ZDHHC3: variants seen among roughly 807,000 people sequenced by gnomAD.
ZDHHC3 encodes the protein palmitoyltransferase ZDHHC3.
In ZDHHC3, 9 loss-of-function variants were observed where a neutral mutation model predicts 30.6. The observed-to-expected ratio is 0.29, with a 90% CI of 0.18 to 0.51. The LOEUF is 0.51. Among genes scored for constraint, ZDHHC3 ranks in the 20% least tolerant of loss-of-function variants. ZDHHC3 has a pLI of 0.97. For missense variants in ZDHHC3, 246 were observed against 384.2 expected (o/e 0.64, Z 3.01); for synonymous variants, 136 against 140.2 (o/e 0.97, Z 0.21).
Position 44,923,356 on chromosome 3 carries a change from G to A in ZDHHC3, c.*3333C>T, listed in dbSNP as rs1056932348. ...CTCCCAAAGTGCTGGGATTACAGGC[G>A]TGAGGGATGTCCACAGTGAGAAGTG... On this transcript the variant is annotated 3_prime_UTR_variant, in exon 7 of 7. Transcript: ENST00000424952. 31 of 985,282 alleles carry A rather than the reference G, an allele frequency of 3.1e-5. No homozygotes were observed. Among genetic ancestry groups the A allele is most frequent in the East Asian group, 1.1e-4 (1 of 8,804 alleles). 61.0% of individuals were successfully genotyped at this position (985,282 alleles called of 1,614,324 possible). A position where few individuals can be genotyped will look rare whatever the true frequency, so the allele number is the denominator to read the frequency against.
chr3:44,954,595 T>C (rs2125895769), intron 2 of ZDHHC3, among the ~76,000 whole-genome samples: 1 of 152,314 alleles, frequency 6.6e-6, no homozygotes. Flanking sequence ...TGACTGTATA[T>C]TCCTCCTTTT....
chr3:44,962,395 C>G (rs979070860), intron 1 of ZDHHC3, among the ~76,000 whole-genome samples: 1 of 151,956 alleles, frequency 6.6e-6, no homozygotes, highest in African/African-American at 2.4e-5. Flanking sequence ...AGCCCTTCCA[C>G]GTAAGTAACT....
At position 44,916,842 on chromosome 3, in the gene ZDHHC3, G is replaced by GTT; in HGVS notation, c.*9846_*9847insAA. ...ATCCTGGTGGGGTGTGTGTGTGTGT[G>GTT]TGTGTGTTTGTCTATCTTCCTGATT... On this transcript the variant is annotated 3_prime_UTR_variant, in exon 7 of 7. Coordinates refer to ENST00000424952, the MANE Select transcript of ZDHHC3 (RefSeq NM_001135179.2). The GTT allele has an allele frequency of 6.6e-6, 1 of 152,280 alleles. No individual in the cohort carries two copies. The highest frequency in any genetic ancestry group is 1.9e-4 in the East Asian group (1 of 5,182). 9.4% of individuals were successfully genotyped at this position (152,280 alleles called of 1,614,324 possible). A position where few individuals can be genotyped will look rare whatever the true frequency, so the allele number is the denominator to read the frequency against.
intron 2 of ZDHHC3, among the ~76,000 whole-genome samples, chr3:44,954,828 T>C (rs1170095281): frequency 6.6e-6 from 1 of 151,884 alleles, no homozygotes; most frequent in Non-Finnish European, 1.5e-5. Flanking sequence ...AAGAAGCCCC[T>C]CAGGATTCCT....
Position 44,922,089 on chromosome 3 carries a change from C to T in ZDHHC3, c.*4600G>A. ...GGGAGAGGGTGAGAAAAAGAAGGTT[C>T]AGGTTGGGAGTACGCTGGTCAGTGG... On this transcript the variant is annotated 3_prime_UTR_variant, in exon 7 of 7. Transcript: ENST00000424952. 1 of 985,408 alleles carries T rather than the reference C, an allele frequency of 1.0e-6. No individual in the cohort carries two copies. The highest frequency in any genetic ancestry group is 1.2e-6 in the Non-Finnish European group (1 of 829,916). The allele number at this position is 985,408 out of a possible 1,614,324, so 61.0% of individuals were successfully genotyped here.
At position 44,918,839 on chromosome 3, in the gene ZDHHC3, G is replaced by C; in HGVS notation, c.*7850C>G. On this transcript the variant is annotated 3_prime_UTR_variant, in exon 7 of 7. Transcript: ENST00000424952. ...AACTCAGCCACCAGGCCACAGAAAG[G>C]GTGTTGGGGTGGGGAGATGCCCAGA... is the stretch of plus-strand genomic sequence containing the variant. 1.0e-6 allele frequency: 1 copy of C among 987,466 alleles called. No individual in the cohort carries two copies. The highest frequency in any genetic ancestry group is 1.2e-6 in the Non-Finnish European group (1 of 831,366). The allele number at this position is 987,466 out of a possible 1,614,324, so 61.2% of individuals were successfully genotyped here.
At position 44,926,648 on chromosome 3, in the gene ZDHHC3, G is replaced by GT; in HGVS notation, c.*40dup. 1 of 1,547,210 alleles carries GT rather than the reference G, an allele frequency of 6.5e-7. No individual in the cohort carries two copies. Among genetic ancestry groups the GT allele is most frequent in the Non-Finnish European group, 8.7e-7 (1 of 1,149,990 alleles). On this transcript the variant is annotated 3_prime_UTR_variant, in exon 7 of 7. Transcript: ENST00000424952. ...GAACGGATGGGACGGTAGTGCTGTG[G>GT]TGTGGACTTGTGTCTGAGTGGCCAT...
At chr3:44,945,090 C>T in intron 3 of ZDHHC3, 78 bp downstream of exon 3, 2 of 1,600,852 alleles carry the variant, frequency 1.2e-6, no homozygotes, top group Non-Finnish European at 1.7e-6. Context: ...GTGTGCTACT[C>T]CAGGAGGCAG....
At chr3:44,936,465 A>T (rs1701967936) in intron 3 of ZDHHC3, among the ~76,000 whole-genome samples, 1 of 152,232 alleles carries the variant, frequency 6.6e-6, no homozygotes. Flanking sequence ...CAAAGAGCTA[A>T]AAGCAGAACG....
chr3:44,958,824 T>C, intron 2 of ZDHHC3: 1 of 835,322 alleles, frequency 1.2e-6, no homozygotes, highest in Non-Finnish European at 1.8e-6. Context: ...TATCTGTGTC[T>C]TTTTAACCAG....
chr3:44,937,839 G>C, intron 3 of ZDHHC3: 1 of 465,418 alleles, frequency 2.1e-6, no homozygotes, highest in Non-Finnish European at 4.2e-6. Context: ...TGACTGGAAG[G>C]GTCTGAGGCT....
At position 44,924,114 on chromosome 3, in the gene ZDHHC3, A is replaced by G; in HGVS notation, c.*2575T>C. The G allele has an allele frequency of 2.0e-6, 2 of 985,396 alleles. No homozygotes were observed. Among genetic ancestry groups the G allele is most frequent in the Non-Finnish European group, 2.4e-6 (2 of 829,934 alleles). The allele number at this position is 985,396 out of a possible 1,614,324, so 61.0% of individuals were successfully genotyped here. Reference sequence around the variant, plus strand: ...AAAGACTGTGGCTACGACTGGTTCAATTTCCCATGAGTGCACCAAACAGTA... The same window carrying G: ...AAAGACTGTGGCTACGACTGGTTCAGTTTCCCATGAGTGCACCAAACAGTA... On this transcript the variant is annotated 3_prime_UTR_variant, in exon 7 of 7. Coordinates refer to ENST00000424952, the MANE Select transcript of ZDHHC3 (RefSeq NM_001135179.2).
In ZDHHC3 at chr3:44,920,286, G is replaced by T. The variant is rs1700502309; in HGVS notation, c.*6403C>A. ...TGGCACAGAAGCAGTGACCAGCTGA[G>T]ATGGTTTGCTTTGGGCATTCTGCAT... On this transcript the variant is annotated 3_prime_UTR_variant, in exon 7 of 7. Transcript: ENST00000424952. The T allele has an allele frequency of 1.6e-6, 2 of 1,289,788 alleles. No homozygotes were observed. The highest frequency in any genetic ancestry group is 3.0e-5 in the African/African-American group (2 of 65,874). 79.9% of individuals were successfully genotyped at this position (1,289,788 alleles called of 1,614,324 possible).
intron 6 of ZDHHC3, 120 bp downstream of exon 6, chr3:44,929,186 G>T: frequency 7.6e-7 from 1 of 1,321,952 alleles, no homozygotes; most frequent in Non-Finnish European, 1.0e-6. Flanking sequence ...ACTGTGCCCT[G>T]CACACCAGGG....
At chr3:44,946,898 C>A (rs1035215960) in intron 2 of ZDHHC3, among the ~76,000 whole-genome samples, 2 of 152,152 alleles carry the variant, frequency 1.3e-5, no homozygotes. Context: ...TAGCCTAGAG[C>A]CATTAGGTAA....
In ZDHHC3 at chr3:44,929,871, G is replaced by A. The variant is rs113613547; in HGVS notation, c.611-435C>T. Among the ~76,000 whole-genome samples the A allele has an allele frequency of 1.2e-3, 176 of 152,300 alleles. 1 individual carries two copies. The Middle Eastern group carries it at 0.031, about 26-fold the overall frequency. On this transcript the variant is annotated intron_variant, in intron 5 of 6. Coordinates refer to ENST00000424952, the MANE Select transcript of ZDHHC3 (RefSeq NM_001135179.2). The stretch of plus-strand genomic sequence containing the variant: ...CCTGCTATGGCCATAGGTTTTCTGG[G>A]CATTCCTGTATGACGTGCTGCCCCT...
chr3:44,929,520 T>C (rs1701307018), intron 5 of ZDHHC3, 84 bp from the exon 6 acceptor site: 14 of 1,551,052 alleles, frequency 9.0e-6, no homozygotes, highest in Middle Eastern at 1.7e-4. Context: ...GCGCCCACTC[T>C]GCCTCCTGCT....
chr3:44,960,827 C>T (rs967995561), intron 1 of ZDHHC3, among the ~76,000 whole-genome samples: 6 of 152,176 alleles, frequency 3.9e-5, no homozygotes, highest in South Asian at 2.1e-4. Flanking sequence ...GGCAGGCTTT[C>T]GGTATTGTTA....
rs551180624 is a variant in ZDHHC3 at position 44,919,074 on chromosome 3, A to G, written c.*7615T>C. The G allele has an allele frequency of 2.0e-6, 2 of 985,442 alleles. No individual in the cohort carries two copies. Among genetic ancestry groups the G allele is most frequent in the South Asian group, 9.4e-5 (2 of 21,294 alleles). 61.0% of individuals were successfully genotyped at this position (985,442 alleles called of 1,614,324 possible). On this transcript the variant is annotated 3_prime_UTR_variant, in exon 7 of 7. Coordinates refer to ENST00000424952, the MANE Select transcript of ZDHHC3 (RefSeq NM_001135179.2). ...ACTTTTTCTTCCCACGCCATTTCAGAGATTTAAGATTCTTGACTTTTGAAT... is the reference window on the plus strand; with the variant it reads ...ACTTTTTCTTCCCACGCCATTTCAGGGATTTAAGATTCTTGACTTTTGAAT...
Sources: allele counts gnomAD v4.1 joint callset (sites outside exome capture counted in the v4.1 genomes callset), GRCh38; gene constraint gnomAD v4.1.1; transcripts MANE v1.5; gene names NCBI Gene and HGNC (gene_info 2026-07-23, HGNC 2026-07-21).